Variants in SEC24D observed in about 807,000 individuals in gnomAD.
SEC24D encodes protein transport protein Sec24D.
A neutral mutation model predicts 116.9 loss-of-function variants in SEC24D; 69 were observed. That is an observed-to-expected ratio of 0.59 (90% CI 0.49 to 0.72). The LOEUF is 0.72. Ranked by LOEUF, SEC24D falls within the 30% of genes least tolerant of loss-of-function variation. The probability of loss-of-function intolerance (pLI) is 0.00; values close to 1 mark genes in which losing one functional copy is unlikely to be tolerated. For synonymous variants in SEC24D, 405 were observed against 442.8 expected (o/e 0.91, Z 1.07); for missense variants, 1,131 against 1,264.1 (o/e 0.89, Z 1.60).
Position 118,797,773 on chromosome 4 carries a change from G to A in SEC24D, c.951C>T (p.Tyr317=), listed in dbSNP as rs541421165. 5 of 1,610,952 alleles carry A rather than the reference G, an allele frequency of 3.1e-6. No homozygotes were observed. The South Asian group carries it at 4.4e-5, about 14-fold the overall frequency. ...CCATATCTGACGTGCATGGAAAACA[G>A]TATGTTGTACAACGGATGAATCGAG... The part of the protein sequence containing the change: ...ASPRFIRCTT[Y]CFPCTSDMAK... The change falls in exon 8 of 23, where the codon TAC becomes TAT. Residue 317 remains tyrosine (Y), a synonymous_variant. Transcript: ENST00000280551.
rs759952127 is a variant in SEC24D at position 118,757,805 on chromosome 4, A to G, written c.1337T>C (p.Ile446Thr). The change falls in exon 11 of 23, where the codon ATT becomes ACT. Residue 446 changes from isoleucine to threonine, a missense_variant. By Grantham distance (89) the Ile-to-Thr change is moderately conservative (BLOSUM62 -1). Coordinates refer to ENST00000280551, the MANE Select transcript of SEC24D (RefSeq NM_014822.4). ...PPNPPAFIFM[I>T]DVSYSNIKNG... The stretch of plus-strand genomic sequence containing the variant: ...CTTTATGTTACTATATGAAACATCA[A>G]TCATGAAGATAAAGGCTGGTGGGTT... 3.9e-5 allele frequency: 63 copies of G among 1,612,032 alleles called. No individual in the cohort carries two copies. Among genetic ancestry groups the G allele is most frequent in the Non-Finnish European group, 4.8e-5 (57 of 1,178,934 alleles).
intron 4 of SEC24D, 48 bp from the exon 5 acceptor site, chr4:118,815,774 T>A (rs1347350934): frequency 6.3e-7 from 1 of 1,591,216 alleles, no homozygotes; most frequent in East Asian, 2.2e-5. Context: ...ATTTCTCAAC[T>A]CTCTGACTTC....
intron 3 of SEC24D, among the ~76,000 whole-genome samples, chr4:118,821,684 T>C (rs143139956): frequency 4.8e-4 from 73 of 152,306 alleles, no homozygotes; most frequent in African/African-American, 1.6e-3. Flanking sequence ...ATGACACAGA[T>C]AAAATGCTAG....
intron 6 of SEC24D, among the ~76,000 whole-genome samples, chr4:118,811,076 T>C (rs1271114577): frequency 3.3e-5 from 5 of 152,204 alleles, no homozygotes; most frequent in Admixed American, 6.5e-5. Flanking sequence ...GTAATTGGAC[T>C]AGCACAGTAT....
chr4:118,733,948 C>T (rs1252547391), intron 19 of SEC24D, among the ~76,000 whole-genome samples: 1 of 151,782 alleles, frequency 6.6e-6, no homozygotes, highest in Non-Finnish European at 1.5e-5. Context: ...CAACCTAACA[C>T]AATGCAGCAA....
chr4:118,724,262 C>A (rs984233391), intron 22 of SEC24D, among the ~76,000 whole-genome samples: 1 of 151,930 alleles, frequency 6.6e-6, no homozygotes, highest in Non-Finnish European at 1.5e-5. Context: ...TGGAGAGATG[C>A]TAGAGAGGTT....
chr4:118,743,752 C>T (rs939945336), intron 15 of SEC24D, among the ~76,000 whole-genome samples: 2 of 152,138 alleles, frequency 1.3e-5, no homozygotes, highest in African/African-American at 4.8e-5. Context: ...AAAGTCTGTA[C>T]ATATTCAGTA....
chr4:118,786,825 G>A (rs2110492881), intron 8 of SEC24D, among the ~76,000 whole-genome samples: 1 of 152,220 alleles, frequency 6.6e-6, no homozygotes, highest in South Asian at 2.1e-4. Flanking sequence ...ACTAGGGCAA[G>A]GAAGGTCATC....
chr4:118,734,918 G>T (rs768180983), intron 19 of SEC24D, among the ~76,000 whole-genome samples: 1 of 152,120 alleles, frequency 6.6e-6, no homozygotes, highest in Non-Finnish European at 1.5e-5. Flanking sequence ...CAGATAGATC[G>T]CCCCGATGCT....
intron 11 of SEC24D, among the ~76,000 whole-genome samples, chr4:118,757,459 G>A (rs1344113672): frequency 2.0e-5 from 3 of 152,032 alleles, no homozygotes; most frequent in Non-Finnish European, 2.9e-5. Context: ...CACACTGTTG[G>A]GATTCTTCTT....
chr4:118,812,204 T>C (rs1729948308), intron 6 of SEC24D, among the ~76,000 whole-genome samples: 3 of 152,144 alleles, frequency 2.0e-5, no homozygotes, highest in African/African-American at 7.2e-5. Flanking sequence ...ATTGACACTA[T>C]CTATGATGGG....
chr4:118,779,227 T>C (rs1728286707), intron 8 of SEC24D, among the ~76,000 whole-genome samples: 2 of 152,320 alleles, frequency 1.3e-5, no homozygotes, highest in South Asian at 2.1e-4. Context: ...CAGTATGATA[T>C]TGGCTGTGGG....
chr4:118,727,603 A>G (rs775644338), intron 22 of SEC24D, among the ~76,000 whole-genome samples: 2 of 151,842 alleles, frequency 1.3e-5, no homozygotes, highest in Non-Finnish European at 2.9e-5. Flanking sequence ...CTGAGACTCA[A>G]GATTTGGTTA....
chr4:118,778,098 C>T (rs1368049938), intron 8 of SEC24D, among the ~76,000 whole-genome samples: 1 of 152,208 alleles, frequency 6.6e-6, no homozygotes, highest in Non-Finnish European at 1.5e-5. Flanking sequence ...TGTGCAGAAG[C>T]TCTTTAGTTT....
At chr4:118,769,181 G>A (rs1196360034) in intron 8 of SEC24D, among the ~76,000 whole-genome samples, 1 of 152,054 alleles carries the variant, frequency 6.6e-6, no homozygotes, top group Non-Finnish European at 1.5e-5. Flanking sequence ...TAGTTTATCA[G>A]AAAAAAACGT....
At chr4:118,806,460 C>T (rs1448414564) in intron 6 of SEC24D, among the ~76,000 whole-genome samples, 1 of 151,928 alleles carries the variant, frequency 6.6e-6, no homozygotes, top group Non-Finnish European at 1.5e-5. Flanking sequence ...GCTGGGACCA[C>T]AGGTGGGTGC....
chr4:118,760,324 CCT>C (rs1045556831), intron 10 of SEC24D: 2 of 152,262 alleles, frequency 1.3e-5, no homozygotes, highest in African/African-American at 4.8e-5. Context: ...ACCTCTGTTT[CCT>C]CTCTCCAGCA....
intron 1 of SEC24D, 149 bp from the exon 2 acceptor site, chr4:118,833,886 T>G (rs139186408): frequency 1.9e-6 from 1 of 515,478 alleles, no homozygotes; most frequent in Admixed American, 3.7e-5. Flanking sequence ...TTATACAATA[T>G]ATCATTATCC....
chr4:118,805,871 G>C lies in SEC24D; in HGVS notation c.885C>G (p.Val295=). The change falls in exon 7 of 23, where the codon GTC becomes GTG. Residue 295 remains valine (V), a synonymous_variant. Coordinates refer to ENST00000280551, the MANE Select transcript of SEC24D (RefSeq NM_014822.4). Reference sequence around the variant, plus strand: ...GGTCTTGTATCATGCAATCTGTAGTGACCAGGGGAGGGATCTGGCCTCTGG... The same window carrying C: ...GGTCTTGTATCATGCAATCTGTAGTCACCAGGGGAGGGATCTGGCCTCTGG... ...TNTRGQIPPL[V]TTDCMIQDQG... 6.3e-7 allele frequency: 1 copy of C among 1,584,544 alleles called. No individual in the cohort carries two copies. The highest frequency in any genetic ancestry group is 8.6e-7 in the Non-Finnish European group (1 of 1,167,770).
Sources: gnomAD v4.1 joint callset for allele counts (sites outside exome capture counted in the v4.1 genomes callset) on GRCh38, gnomAD v4.1.1 for gene constraint, MANE v1.5 for transcripts, NCBI Gene and HGNC (gene_info 2026-07-23, HGNC 2026-07-21) for gene names.